The following THSD7B variants were observed in gnomAD, a reference collection of about 807,000 sequenced individuals.
THSD7B encodes the protein thrombospondin type 1 domain containing 7B.
A neutral mutation model predicts 213.6 loss-of-function variants in THSD7B; 138 were observed. That is an observed-to-expected ratio of 0.65 (90% CI 0.56 to 0.74). The LOEUF (loss-of-function observed/expected upper bound fraction) is 0.74. Among genes scored for constraint, THSD7B ranks in the 30% least tolerant of loss-of-function variants. The probability of loss-of-function intolerance (pLI) is 0.00; values close to 1 mark genes in which losing one functional copy is unlikely to be tolerated. For missense variants in THSD7B, 1,931 were observed against 1,991.5 expected (o/e 0.97, Z 0.58); for synonymous variants, 742 against 687.0 (o/e 1.08, Z -1.25).
intron 5 of THSD7B, among the ~76,000 whole-genome samples, chr2:137,134,641 C>T (rs1004787339): frequency 1.8e-4 from 28 of 152,156 alleles, no homozygotes; most frequent in South Asian, 2.1e-4. Flanking sequence ...CAAAGGGAAA[C>T]GGCAAACCTG....
chr2:137,453,470 C>T lies in THSD7B; in HGVS notation c.3138+2447C>T, dbSNP rs146241826. 7.6e-3 allele frequency among the ~76,000 whole-genome samples: 1,149 copies of T among 151,542 alleles called. 21 individuals are homozygous for T. The highest frequency in any genetic ancestry group is 0.026 in the African/African-American group (1,094 of 41,332). On this transcript the variant is annotated intron_variant, in intron 15 of 27. Transcript: ENST00000409968. ...TCAGCCTCCCATGTAGCTGTGGCTA[C>T]AGGCTTCTGCCACCACGCCCGGCTA... is the stretch of plus-strand genomic sequence containing the variant.
chr2:137,415,761 A>G (rs867423068), intron 14 of THSD7B, among the ~76,000 whole-genome samples: 4 of 139,688 alleles, frequency 2.9e-5, no homozygotes, highest in South Asian at 4.4e-4. Context: ...CCCTGCCTTC[A>G]TCTCTCCTTT....
intron 2 of THSD7B, among the ~76,000 whole-genome samples, chr2:136,985,941 A>T (rs2104811466): frequency 6.6e-6 from 1 of 152,354 alleles, no homozygotes; most frequent in Admixed American, 6.5e-5. Context: ...AGATTATTTT[A>T]GAGCTTTAAG....
intron 2 of THSD7B, among the ~76,000 whole-genome samples, chr2:136,919,329 C>G (rs541167223): frequency 4.8e-4 from 73 of 152,322 alleles, no homozygotes; most frequent in Non-Finnish European, 8.8e-5. Flanking sequence ...AGGCAAAACC[C>G]AAGCAGGCAA....
At chr2:136,905,436 G>A (rs1329867138) in intron 2 of THSD7B, among the ~76,000 whole-genome samples, 1 of 152,122 alleles carries the variant, frequency 6.6e-6, no homozygotes, top group Non-Finnish European at 1.5e-5. Flanking sequence ...CGAAGACAAA[G>A]GTTTTGTGAG....
At chr2:136,995,107 G>T (rs1054243335) in intron 2 of THSD7B, among the ~76,000 whole-genome samples, 2 of 152,190 alleles carry the variant, frequency 1.3e-5, no homozygotes, top group African/African-American at 4.8e-5. Flanking sequence ...TTCAAAGCTG[G>T]CATCTGGAGT....
chr2:137,500,115 A>G (rs1679666334), intron 15 of THSD7B, among the ~76,000 whole-genome samples: 1 of 152,126 alleles, frequency 6.6e-6, no homozygotes, highest in Non-Finnish European at 1.5e-5. Context: ...CCCAATTCCA[A>G]TCAAAGGCTC....
intron 2 of THSD7B, among the ~76,000 whole-genome samples, chr2:136,978,987 G>C (rs1315955946): frequency 1.3e-5 from 2 of 151,494 alleles, no homozygotes; most frequent in Non-Finnish European, 2.9e-5. Flanking sequence ...CAGGCCTGGT[G>C]GTGATGAATT....
At chr2:136,906,935 G>GTTT (rs1684171944) in intron 2 of THSD7B, among the ~76,000 whole-genome samples, 6 of 67,428 alleles carry the variant, frequency 8.9e-5, no homozygotes, top group Non-Finnish European at 2.0e-4. Context: ...TACATTTCAA[G>GTTT]GTTTTTTTTT....
At chr2:137,289,344 T>C (rs534913388) in intron 12 of THSD7B, among the ~76,000 whole-genome samples, 62 of 152,034 alleles carry the variant, frequency 4.1e-4, no homozygotes, top group African/African-American at 1.4e-3. Flanking sequence ...GCTCTTAGAT[T>C]GCAGCAATAA....
intron 4 of THSD7B, among the ~76,000 whole-genome samples, chr2:137,112,143 C>T (rs572417295): frequency 3.9e-5 from 6 of 152,096 alleles, no homozygotes; most frequent in South Asian, 4.1e-4. Context: ...CAGATCCTAG[C>T]GACACTTTCT....
At chr2:137,203,125 A>G (rs1680912972) in intron 7 of THSD7B, among the ~76,000 whole-genome samples, 1 of 152,122 alleles carries the variant, frequency 6.6e-6, no homozygotes, top group South Asian at 2.1e-4. Context: ...CATCACAGCC[A>G]AAAACAGAAA....
chr2:137,155,596 C>T (rs1047960342), intron 5 of THSD7B, among the ~76,000 whole-genome samples: 1 of 152,028 alleles, frequency 6.6e-6, no homozygotes, highest in African/African-American at 2.4e-5. Flanking sequence ...TTCACTCCAC[C>T]CACTTCCTGG....
At chr2:137,663,018 T>C (rs1295379907) in intron 25 of THSD7B, among the ~76,000 whole-genome samples, 2 of 150,878 alleles carry the variant, frequency 1.3e-5, no homozygotes, top group Non-Finnish European at 2.9e-5. Context: ...TGAGCTGAGA[T>C]TGTGCCATTG....
At chr2:136,952,781 T>C (rs1685061464) in intron 2 of THSD7B, among the ~76,000 whole-genome samples, 1 of 152,164 alleles carries the variant, frequency 6.6e-6, no homozygotes, top group African/African-American at 2.4e-5. Context: ...TTGAGATTAT[T>C]TCACCTTTGA....
intron 10 of THSD7B, among the ~76,000 whole-genome samples, chr2:137,244,398 A>G (rs552578419): frequency 1.3e-5 from 2 of 152,342 alleles, no homozygotes; most frequent in African/African-American, 4.8e-5. Context: ...CTCTTGATAC[A>G]TAGGGAAGCA....
chr2:137,043,438 C>T (rs1686917151), intron 2 of THSD7B, among the ~76,000 whole-genome samples: 1 of 152,140 alleles, frequency 6.6e-6, no homozygotes, highest in Admixed American at 6.5e-5. Context: ...TGACCTCGGC[C>T]TGCTCTGCCT....
At chr2:137,085,337 G>T (rs920427850) in intron 3 of THSD7B, among the ~76,000 whole-genome samples, 11 of 152,058 alleles carry the variant, frequency 7.2e-5, no homozygotes, top group African/African-American at 2.7e-4. Context: ...TGTAAGCTAA[G>T]TCCAATGTGA....
chr2:137,136,697 T>G (rs1413946031), intron 5 of THSD7B, among the ~76,000 whole-genome samples: 1 of 152,212 alleles, frequency 6.6e-6, no homozygotes, highest in African/African-American at 2.4e-5. Context: ...CCACTTGGCA[T>G]TCATCTTCAA....
Sources: gnomAD v4.1 joint callset for allele counts (sites outside exome capture counted in the v4.1 genomes callset) on GRCh38, gnomAD v4.1.1 for gene constraint, MANE v1.5 for transcripts, NCBI Gene and HGNC (gene_info 2026-07-23, HGNC 2026-07-21) for gene names.